Variants in CFAP299 observed in about 807,000 individuals in gnomAD.
CFAP299 encodes the protein cilia- and flagella-associated protein 299.
In CFAP299, 21 loss-of-function variants were observed where a neutral mutation model predicts 27.0. The ratio of observed to expected loss-of-function variants is 0.78; its 90% CI spans 0.55 to 1.12. The LOEUF (loss-of-function observed/expected upper bound fraction) is 1.12, where lower values mean the gene tolerates loss of function less well. CFAP299 is among the 50% of genes most tolerant of loss of function. CFAP299 has a pLI of 0.00. For missense variants in CFAP299, 310 were observed against 276.6 expected (o/e 1.12, Z -0.86); for synonymous variants, 104 against 98.1 (o/e 1.06, Z -0.36).
chr4:80,688,205 G>A (rs1720364362), intron 3 of CFAP299, among the ~76,000 whole-genome samples: 2 of 152,228 alleles, frequency 1.3e-5, no homozygotes, highest in South Asian at 4.1e-4. Flanking sequence ...AAGGAGGCCT[G>A]CCTGCCTCTG....
intron 4 of CFAP299, among the ~76,000 whole-genome samples, chr4:80,934,258 A>G (rs1736772638): frequency 6.6e-6 from 1 of 152,110 alleles, no homozygotes; most frequent in African/African-American, 2.4e-5. Context: ...TATCCGAGGG[A>G]TAAATCCTAC....
At chr4:80,689,778 G>C (rs186814815) in intron 3 of CFAP299, among the ~76,000 whole-genome samples, 2 of 152,294 alleles carry the variant, frequency 1.3e-5, no homozygotes, top group East Asian at 3.9e-4. Context: ...ACCCATCAGT[G>C]TGCTGTATTC....
Position 80,825,068 on chromosome 4 carries a change from A to T in CFAP299, c.334-44925A>T, listed in dbSNP as rs149851371. Among the ~76,000 whole-genome samples, 978 of 152,082 alleles carry T rather than the reference A, an allele frequency of 6.4e-3. 17 individuals carry two copies. Among genetic ancestry groups the T allele is most frequent in the South Asian group, 0.06 (288 of 4,826 alleles). On this transcript the variant is annotated intron_variant, in intron 3 of 5. Transcript: ENST00000358105. The stretch of plus-strand genomic sequence containing the variant: ...AAAATGTATATATCAACAAAGAGAT[A>T]TAAACCTAAAAAGAAACCAACAAGA...
chr4:80,381,201 T>C (rs1306205271), intron 2 of CFAP299, among the ~76,000 whole-genome samples: 2 of 152,192 alleles, frequency 1.3e-5, no homozygotes, highest in Non-Finnish European at 2.9e-5. Flanking sequence ...TTATTTTTCT[T>C]TCACTGAATT....
chr4:80,419,614 A>G lies in CFAP299; in HGVS notation c.242+56730A>G, dbSNP rs186411939. 3.3e-5 allele frequency among the ~76,000 whole-genome samples: 5 copies of G among 152,050 alleles called. No individual in the cohort carries two copies. The East Asian group carries it at 9.7e-4, about 29-fold the overall frequency. On this transcript the variant is annotated intron_variant, in intron 2 of 5. Coordinates refer to ENST00000358105, the MANE Select transcript of CFAP299 (RefSeq NM_152770.3). ...TGTGACCAATTATTATTTTACAGAG[A>G]CCGTTAACAATCACCTGATCATCAC...
chr4:80,560,988 G>T (rs1735013035), intron 2 of CFAP299, among the ~76,000 whole-genome samples: 2 of 152,118 alleles, frequency 1.3e-5, no homozygotes, highest in Non-Finnish European at 2.9e-5. Context: ...CCAGAGAGTG[G>T]TTACATCACG....
chr4:80,453,639 G>C (rs897362543), intron 2 of CFAP299, among the ~76,000 whole-genome samples: 6 of 151,914 alleles, frequency 3.9e-5, no homozygotes, highest in African/African-American at 1.4e-4. Flanking sequence ...TCAGGAGTTC[G>C]AGACCAGCCT....
chr4:80,434,341 T>A (rs1727962413), intron 2 of CFAP299, among the ~76,000 whole-genome samples: 1 of 152,212 alleles, frequency 6.6e-6, no homozygotes, highest in South Asian at 2.1e-4. Flanking sequence ...GCAGGACCTG[T>A]TGCTATGGAG....
intron 2 of CFAP299, among the ~76,000 whole-genome samples, chr4:80,412,992 A>G (rs894707170): frequency 2.0e-5 from 3 of 152,238 alleles, no homozygotes; most frequent in African/African-American, 7.2e-5. Flanking sequence ...TTATATATGC[A>G]TAAAATAAGT....
chr4:80,647,017 G>A (rs2109965211), intron 3 of CFAP299, among the ~76,000 whole-genome samples: 1 of 151,194 alleles, frequency 6.6e-6, no homozygotes, highest in Non-Finnish European at 1.5e-5. Context: ...GTGTGTGTGT[G>A]TATTTTAAAT....
At chr4:80,386,398 C>T (rs1188906699) in intron 2 of CFAP299, 1 of 1,536,006 alleles carries the variant, frequency 6.5e-7, no homozygotes. Flanking sequence ...GGCACCAGAC[C>T]AGCCCCTGTG....
At chr4:80,871,190 A>G in intron 4 of CFAP299, 1 of 984,876 alleles carries the variant, frequency 1.0e-6, no homozygotes. Flanking sequence ...TACAGGCGTC[A>G]GCCACCGAGC....
intron 3 of CFAP299, among the ~76,000 whole-genome samples, chr4:80,742,748 G>A (rs1724349657): frequency 6.6e-6 from 1 of 152,168 alleles, no homozygotes; most frequent in Non-Finnish European, 1.5e-5. Context: ...ACATGAGAGT[G>A]AGATGTAGAA....
At chr4:80,399,693 A>T (rs1726030123) in intron 2 of CFAP299, among the ~76,000 whole-genome samples, 1 of 82,294 alleles carries the variant, frequency 1.2e-5, no homozygotes, top group Non-Finnish European at 2.3e-5. Flanking sequence ...GCCTGTTTTG[A>T]GGTGGGGGAG....
chr4:80,530,444 A>G (rs1455749953), intron 2 of CFAP299, among the ~76,000 whole-genome samples: 1 of 152,074 alleles, frequency 6.6e-6, no homozygotes, highest in African/African-American at 2.4e-5. Context: ...GCTACAAGCC[A>G]TTTTATTTTT....
At chr4:80,908,637 T>C (rs1735305387) in intron 4 of CFAP299, among the ~76,000 whole-genome samples, 1 of 152,214 alleles carries the variant, frequency 6.6e-6, no homozygotes. Flanking sequence ...CAGATCAAAA[T>C]GTTCTTTAGA....
At position 80,507,558 on chromosome 4, in the gene CFAP299, T is replaced by C. The variant is rs182255887; in HGVS notation, c.243-75535T>C. On this transcript the variant is annotated intron_variant, in intron 2 of 5. Transcript: ENST00000358105. ...AAGTCTTTGGAAGATTCAATTTTAA[T>C]TGAAATCTAATCTATCATCAAATCA... Among the ~76,000 whole-genome samples, 370 of 152,264 alleles carry C rather than the reference T, an allele frequency of 2.4e-3. 1 individual carries two copies. Among genetic ancestry groups the C allele is most frequent in the African/African-American group, 8.4e-3 (349 of 41,564 alleles).
chr4:80,871,978 A>G (rs1048675468), intron 4 of CFAP299: 2 of 150,018 alleles, frequency 1.3e-5, no homozygotes, highest in East Asian at 1.9e-4. Context: ...TTTTTTTACA[A>G]CAGTCCCCCT....
intron 3 of CFAP299, among the ~76,000 whole-genome samples, chr4:80,675,850 C>A (rs114930788): frequency 6.6e-6 from 1 of 152,188 alleles, no homozygotes; most frequent in Non-Finnish European, 1.5e-5. Context: ...CTGAGGCAGG[C>A]GCAGGATATA....
Sources: gnomAD v4.1 joint callset for allele counts (sites outside exome capture counted in the v4.1 genomes callset) on GRCh38, gnomAD v4.1.1 for gene constraint, MANE v1.5 for transcripts, NCBI Gene and HGNC (gene_info 2026-07-23, HGNC 2026-07-21) for gene names.